The following CNTN5 variants were observed in gnomAD, a reference collection of about 807,000 sequenced individuals.
CNTN5 encodes the protein contactin-5.
CNTN5 carries 77 observed loss-of-function variants against 129.1 expected under a neutral mutation model. The observed-to-expected ratio is 0.60, with a 90% CI of 0.50 to 0.72. The LOEUF is 0.72. Among genes scored for constraint, CNTN5 ranks in the 30% least tolerant of loss-of-function variants. CNTN5 has a pLI of 0.00. For synonymous variants in CNTN5, 509 were observed against 465.6 expected, an observed-to-expected ratio of 1.09 and a Z score of -1.20; for missense variants, 1,478 against 1,328.8, an observed-to-expected ratio of 1.11 and a Z score of -1.75.
At chr11:99,630,529 C>G (rs887290455) in intron 3 of CNTN5, among the ~76,000 whole-genome samples, 1 of 151,678 alleles carries the variant, frequency 6.6e-6, no homozygotes. Context: ...CATGCCTCAC[C>G]CCCCGTTTCA....
rs1189770812 is a variant in CNTN5, at chr11:99,573,578, AAAAAT to A, written c.55+17314_55+17318del. Among the ~76,000 whole-genome samples, 87 of 25,612 alleles carry A rather than the reference AAAAAT, an allele frequency of 3.4e-3. 2 individuals carry two copies. In the Middle Eastern group the frequency reaches 0.091, roughly 27 times the overall value. 16.8% of individuals were successfully genotyped at this position (25,612 alleles called of 152,430 possible). On this transcript the variant is annotated intron_variant, in intron 3 of 24. Coordinates refer to ENST00000524871, the MANE Select transcript of CNTN5 (RefSeq NM_014361.4). ...GACAGAGTGAGACTCCGTCTCAAAA[AAAAAT>A]AAAAATAAAAAATAAAAAATAAAAA... is the stretch of plus-strand genomic sequence containing the variant.
chr11:99,550,828 G>A (rs1948456941), intron 2 of CNTN5, among the ~76,000 whole-genome samples: 1 of 152,080 alleles, frequency 6.6e-6, no homozygotes, highest in Non-Finnish European at 1.5e-5. Flanking sequence ...CCAAGATTCA[G>A]TTGTGTTTGT....
intron 13 of CNTN5, among the ~76,000 whole-genome samples, chr11:100,110,532 A>G (rs1945619377): frequency 6.6e-6 from 1 of 152,230 alleles, no homozygotes; most frequent in African/African-American, 2.4e-5. Context: ...ACTAGGTGTT[A>G]TAAAATGCGC....
chr11:99,145,184 C>T (rs943522337), intron 1 of CNTN5, among the ~76,000 whole-genome samples: 9 of 152,148 alleles, frequency 5.9e-5, no homozygotes, highest in African/African-American at 1.9e-4. Context: ...ATTCTCGTGC[C>T]TCAGCCTCCC....
chr11:99,691,150 CTTT>C lies in CNTN5; in HGVS notation c.56-128393_56-128391del, dbSNP rs575259734. 3.8e-4 allele frequency among the ~76,000 whole-genome samples: 58 copies of C among 151,096 alleles called. 1 individual carries two copies. In the South Asian group the frequency reaches 0.011, roughly 29 times the overall value. On this transcript the variant is annotated intron_variant, in intron 3 of 24. Transcript: ENST00000524871. ...GTGTTTATATGAATCTTCTCTTCTT[CTTT>C]ATTAGTCTAGCTTGCAGTCTATCTT... is the stretch of plus-strand genomic sequence containing the variant.
intron 23 of CNTN5, 88 bp from the exon 24 acceptor site, chr11:100,350,614 C>A: frequency 1.0e-6 from 1 of 952,778 alleles, no homozygotes; most frequent in Non-Finnish European, 1.6e-6. Flanking sequence ...GCTCCTTGTG[C>A]TTATCTCAGA....
chr11:99,088,358 G>A (rs897186415), intron 1 of CNTN5, among the ~76,000 whole-genome samples: 1 of 152,114 alleles, frequency 6.6e-6, no homozygotes, highest in African/African-American at 2.4e-5. Flanking sequence ...TACTGGTAAG[G>A]TCGAAGTATA....
At chr11:100,345,337 A>G (rs568881503) in intron 23 of CNTN5, among the ~76,000 whole-genome samples, 7 of 152,254 alleles carry the variant, frequency 4.6e-5, no homozygotes, top group African/African-American at 1.7e-4. Context: ...AGCCTCTTTT[A>G]TAAGGGCATT....
chr11:99,482,199 T>A (rs909884313), intron 2 of CNTN5, among the ~76,000 whole-genome samples: 1 of 152,188 alleles, frequency 6.6e-6, no homozygotes, highest in African/African-American at 2.4e-5. Context: ...AGCAAAGGGA[T>A]GCAATGAAAG....
intron 21 of CNTN5, chr11:100,337,176 T>C: frequency 6.8e-7 from 1 of 1,478,090 alleles, no homozygotes; most frequent in Non-Finnish European, 9.4e-7. Flanking sequence ...ACCAGTGGGT[T>C]GACACAGATG....
At chr11:100,270,781 T>G (rs567346120) in intron 17 of CNTN5, among the ~76,000 whole-genome samples, 34 of 152,328 alleles carry the variant, frequency 2.2e-4, no homozygotes, top group African/African-American at 7.9e-4. Context: ...AAATTATAGT[T>G]CTAATTGGCC....
chr11:99,688,523 T>G (rs1275699974), intron 3 of CNTN5, among the ~76,000 whole-genome samples: 2 of 152,042 alleles, frequency 1.3e-5, no homozygotes, highest in African/African-American at 2.4e-5. Flanking sequence ...AAGTAAGGAG[T>G]CAATCGTGTA....
At chr11:99,159,911 A>AT (rs1323202283) in intron 1 of CNTN5, among the ~76,000 whole-genome samples, 10 of 151,942 alleles carry the variant, frequency 6.6e-5, no homozygotes, top group African/African-American at 2.4e-4. Flanking sequence ...AATTGCTTTA[A>AT]TTGTCAGAAA....
chr11:100,120,429 T>G (rs2138159555), intron 13 of CNTN5, among the ~76,000 whole-genome samples: 1 of 151,974 alleles, frequency 6.6e-6, no homozygotes, highest in Admixed American at 6.6e-5. Context: ...AGGATATTAA[T>G]CAACCCAAAA....
chr11:99,787,005 G>T (rs1945550789), intron 3 of CNTN5, among the ~76,000 whole-genome samples: 1 of 152,014 alleles, frequency 6.6e-6, no homozygotes, highest in Non-Finnish European at 1.5e-5. Flanking sequence ...TGAGTTTTCT[G>T]ATTCGGTGAT....
At chr11:99,913,931 G>T (rs1339502031) in intron 6 of CNTN5, among the ~76,000 whole-genome samples, 1 of 152,066 alleles carries the variant, frequency 6.6e-6, no homozygotes, top group Non-Finnish European at 1.5e-5. Flanking sequence ...AAGATGAAAA[G>T]AGGAAAGTGA....
intron 2 of CNTN5, among the ~76,000 whole-genome samples, chr11:99,481,050 GA>G (rs761218688): frequency 1.3e-4 from 19 of 151,948 alleles, no homozygotes; most frequent in Non-Finnish European, 2.6e-4. Flanking sequence ...AGACTGGGTT[GA>G]AAATTATGCC....
chr11:99,737,913 A>G (rs895607680), intron 3 of CNTN5, among the ~76,000 whole-genome samples: 3 of 152,138 alleles, frequency 2.0e-5, no homozygotes, highest in Non-Finnish European at 4.4e-5. Flanking sequence ...ATTACCATGA[A>G]CTATATTTTC....
intron 1 of CNTN5, among the ~76,000 whole-genome samples, chr11:99,215,435 G>T (rs1860066344): frequency 6.6e-6 from 1 of 152,100 alleles, no homozygotes; most frequent in South Asian, 2.1e-4. Context: ...GGGTAGTAAA[G>T]TTCATAAGAC....
Sources: gnomAD v4.1 joint callset for allele counts (sites outside exome capture counted in the v4.1 genomes callset) on GRCh38, gnomAD v4.1.1 for gene constraint, MANE v1.5 for transcripts, NCBI Gene and HGNC (gene_info 2026-07-23, HGNC 2026-07-21) for gene names.